Variants in NUFIP2 observed in about 807,000 individuals in gnomAD.
NUFIP2 encodes nuclear FMR1 interacting protein 2, also known as FMR1-interacting protein NUFIP2.
Under a neutral mutation model 56.9 loss-of-function variants are expected in NUFIP2, and 6 were observed. The observed-to-expected ratio is 0.11, with a 90% CI of 0.06 to 0.21. The LOEUF is 0.21. Ranked by LOEUF, NUFIP2 falls within the 10% of genes least tolerant of loss-of-function variation. The pLI, the probability that NUFIP2 is intolerant of heterozygous loss-of-function variation, is 1.00. For synonymous variants in NUFIP2, 321 were observed against 298.2 expected, an observed-to-expected ratio of 1.08 and a Z score of -0.79; for missense variants, 828 against 826.8, an observed-to-expected ratio of 1.00 and a Z score of -0.02.
At position 29,294,094 on chromosome 17, in the gene NUFIP2, G is replaced by T. The variant is rs755159626; in HGVS notation, c.-35C>A. On this transcript the variant is annotated 5_prime_UTR_variant, in exon 1 of 4. Coordinates refer to ENST00000225388, the MANE Select transcript of NUFIP2 (RefSeq NM_020772.3). Reference sequence around the variant, plus strand: ...CTGGGACTCCCTGGCTGAGGCTGCGGGCTGCTGCACCGTCAGGATCTGAGA... The same window carrying T: ...CTGGGACTCCCTGGCTGAGGCTGCGTGCTGCTGCACCGTCAGGATCTGAGA... 6.4e-7 allele frequency: 1 copy of T among 1,567,668 alleles called. No individual in the cohort carries two copies. Among genetic ancestry groups the T allele is most frequent in the Non-Finnish European group, 8.7e-7 (1 of 1,155,528 alleles).
intron 1 of NUFIP2, among the ~76,000 whole-genome samples, chr17:29,291,035 CAAAAAA>C (rs60000691): frequency 1.4e-5 from 1 of 72,446 alleles, no homozygotes; most frequent in Admixed American, 1.6e-4. Context: ...GTTTTAATAA[CAAAAAA>C]AAAAAAAAAA....
Position 29,294,056 on chromosome 17 carries a change from C to A in NUFIP2, c.4G>T (p.Glu2Ter). M[E>*]EKPGQPQPQH... is the part of the protein sequence containing the mutation. ...GGCTGTGGCTGGCCGGGCTTCTCCT[C>A]CATTGAAAGCGGCTGGGACTCCCTG... is the stretch of plus-strand genomic sequence containing the variant. Residue 2 changes from glutamate (E) to a stop codon, truncating the protein, a stop_gained, in exon 1 of 4, where the codon GAG (glutamate) becomes TAG (stop). Coordinates refer to ENST00000225388, the MANE Select transcript of NUFIP2 (RefSeq NM_020772.3). LOFTEE classifies it high-confidence loss of function. 1 of 1,596,030 alleles carries A rather than the reference C, an allele frequency of 6.3e-7. No homozygotes were observed. Among genetic ancestry groups the A allele is most frequent in the Non-Finnish European group, 8.6e-7 (1 of 1,168,744 alleles).
intron 1 of NUFIP2, among the ~76,000 whole-genome samples, chr17:29,292,189 C>CT (rs910773465): frequency 3.7e-4 from 56 of 152,108 alleles, no homozygotes; most frequent in Admixed American, 2.2e-3. Flanking sequence ...AAACACCTTT[C>CT]TTTTTAACAC....
At chr17:29,269,893 TG>T (rs780257162) in intron 2 of NUFIP2, among the ~76,000 whole-genome samples, 1 of 152,046 alleles carries the variant, frequency 6.6e-6, no homozygotes, top group Non-Finnish European at 1.5e-5. Flanking sequence ...GCTAATTTTT[TG>T]TATTTTTAGT....
chr17:29,269,059 C>T (rs1476996380), intron 2 of NUFIP2, among the ~76,000 whole-genome samples: 1 of 152,028 alleles, frequency 6.6e-6, no homozygotes, highest in East Asian at 1.9e-4. Flanking sequence ...TATATATAGT[C>T]AACAGTAATT....
At chr17:29,288,110 C>T (rs1298323745) in intron 1 of NUFIP2, among the ~76,000 whole-genome samples, 2 of 152,250 alleles carry the variant, frequency 1.3e-5, no homozygotes, top group African/African-American at 4.8e-5. Context: ...GTGGCGCTAT[C>T]TCCGCTCACT....
At chr17:29,290,839 C>T (rs1395036595) in intron 1 of NUFIP2, among the ~76,000 whole-genome samples, 2 of 151,816 alleles carry the variant, frequency 1.3e-5, no homozygotes, top group East Asian at 3.8e-4. Context: ...CCATTAGTCA[C>T]AACTTTTCAG....
chr17:29,270,931 C>T (rs879599801), intron 2 of NUFIP2, among the ~76,000 whole-genome samples: 7 of 152,126 alleles, frequency 4.6e-5, no homozygotes, highest in Non-Finnish European at 7.3e-5. Flanking sequence ...CTGCACTTTC[C>T]CCTTTTTTTG....
At chr17:29,279,447 A>G (rs1271572002) in intron 2 of NUFIP2, among the ~76,000 whole-genome samples, 4 of 152,210 alleles carry the variant, frequency 2.6e-5, no homozygotes, top group Admixed American at 2.6e-4. Flanking sequence ...CTGATCTTCT[A>G]GTCAACAGAA....
intron 2 of NUFIP2, among the ~76,000 whole-genome samples, chr17:29,275,328 A>C (rs145822711): frequency 3.9e-5 from 6 of 152,160 alleles, no homozygotes; most frequent in Non-Finnish European, 8.8e-5. Context: ...CTGGCCTCTG[A>C]AGAAGTCTTA....
rs2069175050 is a variant in NUFIP2 at position 29,286,480 on chromosome 17, T to G, written c.1514A>C (p.Asn505Thr). The change falls in exon 2 of 4, where the codon AAT becomes ACT. Residue 505 changes from asparagine to threonine, a missense_variant. Physicochemically the swap from Asn to Thr is moderately conservative, Grantham distance 65 (BLOSUM62 0). Around this residue, in one of 3 missense-constraint regions of NUFIP2, gnomAD observed 404 missense variants for 380.3 expected, o/e 1.06. Coordinates refer to ENST00000225388, the MANE Select transcript of NUFIP2 (RefSeq NM_020772.3). ...ATTTATAAATGATAAACCCCACTGATTCTGGAAGATATCCCCCAGGTTTTG... is the reference window on the plus strand; with the variant it reads ...ATTTATAAATGATAAACCCCACTGAGTCTGGAAGATATCCCCCAGGTTTTG... ...DQQNLGDIFQNQWGLSFINEP... is the reference protein window; with the variant it reads ...DQQNLGDIFQTQWGLSFINEP... 6.2e-7 allele frequency: 1 copy of G among 1,614,100 alleles called. No homozygotes were observed. The highest frequency in any genetic ancestry group is 1.7e-5 in the Admixed American group (1 of 59,996).
At chr17:29,284,005 A>G (rs953606278) in intron 2 of NUFIP2, among the ~76,000 whole-genome samples, 2 of 152,240 alleles carry the variant, frequency 1.3e-5, no homozygotes, top group African/African-American at 4.8e-5. Context: ...CTTGCAGATA[A>G]GGAAACGTAT....
intron 3 of NUFIP2, among the ~76,000 whole-genome samples, chr17:29,266,811 G>GT (rs1324973750): frequency 4.6e-5 from 7 of 151,526 alleles, no homozygotes; most frequent in Admixed American, 1.3e-4. Context: ...ACTTTCATCT[G>GT]TTTTTTTCAC....
chr17:29,268,694 T>C (rs1221720292), intron 2 of NUFIP2, among the ~76,000 whole-genome samples: 3 of 151,780 alleles, frequency 2.0e-5, no homozygotes, highest in African/African-American at 7.3e-5. Flanking sequence ...ATTTTGTATA[T>C]ATATATTTTT....
intron 1 of NUFIP2, among the ~76,000 whole-genome samples, chr17:29,292,885 G>T (rs960885755): frequency 2.7e-5 from 4 of 146,224 alleles, no homozygotes; most frequent in Admixed American, 6.7e-5. Context: ...CGGCGACGGG[G>T]GGGGGGGCGG....
In NUFIP2 at chr17:29,294,130, G is replaced by A. The variant is rs2069238291; in HGVS notation, c.-71C>T. The A allele has an allele frequency of 3.9e-6, 6 of 1,524,840 alleles. No individual in the cohort carries two copies. The highest frequency in any genetic ancestry group is 4.4e-6 in the Non-Finnish European group (5 of 1,137,280). The allele number at this position is 1,524,840 out of a possible 1,614,324, so 94.5% of individuals were successfully genotyped here. ...CGTCAGGATCTGAGACTGCTTCTCA[G>A]GGCTCACTCAGTATATCTGAGCGCG... On this transcript the variant is annotated 5_prime_UTR_variant, in exon 1 of 4. Coordinates refer to ENST00000225388, the MANE Select transcript of NUFIP2 (RefSeq NM_020772.3).
chr17:29,272,814 G>A (rs1046575503), intron 2 of NUFIP2, among the ~76,000 whole-genome samples: 6 of 151,418 alleles, frequency 4.0e-5, no homozygotes, highest in African/African-American at 9.7e-5. Flanking sequence ...TCTCAGATTT[G>A]GGATGGTCAA....
At chr17:29,287,867 G>A in intron 1 of NUFIP2, 151 bp from the exon 2 acceptor site, 1 of 812,124 alleles carries the variant, frequency 1.2e-6, no homozygotes, top group Non-Finnish European at 1.8e-6. Context: ...GAAGACACCT[G>A]TCAGCCCCAT....
At chr17:29,291,463 G>A (rs1567683040) in intron 1 of NUFIP2, among the ~76,000 whole-genome samples, 1 of 152,316 alleles carries the variant, frequency 6.6e-6, no homozygotes, top group South Asian at 2.1e-4. Context: ...CATTATGCAT[G>A]TCAAAGCAAC....
Sources: allele counts gnomAD v4.1 joint callset (sites outside exome capture counted in the v4.1 genomes callset), GRCh38; gene constraint gnomAD v4.1.1; regional missense constraint gnomAD v4.1.1; transcripts MANE v1.5; gene names NCBI Gene and HGNC (gene_info 2026-07-23, HGNC 2026-07-21).